ZNF804B: variants seen among roughly 807,000 people sequenced by gnomAD.
The protein encoded by ZNF804B is zinc finger protein 804B.
In ZNF804B, 80 loss-of-function variants were observed where a neutral mutation model predicts 101.4. The observed-to-expected ratio is 0.79, with a 90% CI of 0.66 to 0.95. ZNF804B has a LOEUF of 0.95. Among genes scored for constraint, ZNF804B ranks in the 40% least tolerant of loss-of-function variants. ZNF804B has a pLI of 0.00. For synonymous variants in ZNF804B, 622 were observed against 558.8 expected, an observed-to-expected ratio of 1.11 and a Z score of -1.59; for missense variants, 1,673 against 1,561.9, an observed-to-expected ratio of 1.07 and a Z score of -1.20.
intron 2 of ZNF804B, among the ~76,000 whole-genome samples, chr7:89,325,367 A>C (rs1434200654): frequency 1.3e-5 from 2 of 152,034 alleles, no homozygotes; most frequent in Non-Finnish European, 2.9e-5. Flanking sequence ...TTTCCAAAGC[A>C]CATTGTGTAC....
At chr7:89,310,361 GCTCAACTCAATACTATCTTTA>G (rs1339385993) in intron 2 of ZNF804B, among the ~76,000 whole-genome samples, 12 of 152,074 alleles carry the variant, frequency 7.9e-5, no homozygotes, top group Admixed American at 2.0e-4. Context: ...GATATGTATA[GCTCAACTCAATACTATCTTTA>G]GATTTAAAAT....
intron 1 of ZNF804B, among the ~76,000 whole-genome samples, chr7:89,025,862 G>A (rs1171806894): frequency 6.6e-6 from 1 of 151,986 alleles, no homozygotes; most frequent in Non-Finnish European, 1.5e-5. Flanking sequence ...CTGAAATTAC[G>A]ATTTTTAAAA....
chr7:89,215,223 G>T (rs79844645), intron 1 of ZNF804B, among the ~76,000 whole-genome samples: 1,736 of 152,232 alleles, frequency 0.011, 33 homozygotes, highest in African/African-American at 0.04. Context: ...TTAGTCTAAC[G>T]ACCTTGTAAA....
At chr7:88,776,570 T>G (rs202030594) in intron 1 of ZNF804B, among the ~76,000 whole-genome samples, 3 of 144,390 alleles carry the variant, frequency 2.1e-5, no homozygotes, top group Admixed American at 7.1e-5. Flanking sequence ...GTTTTTTTTT[T>G]TTTTTTTTTT....
At chr7:89,213,020 C>T (rs1339241413) in intron 1 of ZNF804B, among the ~76,000 whole-genome samples, 1 of 152,170 alleles carries the variant, frequency 6.6e-6, no homozygotes. Context: ...TATTATCCCC[C>T]TTAATCTATT....
intron 2 of ZNF804B, among the ~76,000 whole-genome samples, chr7:89,240,698 A>G (rs946391158): frequency 1.3e-5 from 2 of 151,460 alleles, no homozygotes; most frequent in South Asian, 2.1e-4. Context: ...TTTTATCTTC[A>G]TCTTCCTTGG....
intron 2 of ZNF804B, among the ~76,000 whole-genome samples, chr7:89,278,943 G>A (rs1032883582): frequency 1.1e-3 from 161 of 152,212 alleles, no homozygotes; most frequent in African/African-American, 3.7e-3. Context: ...ACCTTGGGCA[G>A]TATGGCCATT....
At chr7:88,845,262 C>A (rs2115814620) in intron 1 of ZNF804B, among the ~76,000 whole-genome samples, 1 of 151,332 alleles carries the variant, frequency 6.6e-6, no homozygotes, top group South Asian at 2.1e-4. Flanking sequence ...AAAGCACACA[C>A]ATATGCGCAT....
intron 1 of ZNF804B, among the ~76,000 whole-genome samples, chr7:89,043,498 G>A (rs1421779702): frequency 1.3e-5 from 2 of 152,138 alleles, no homozygotes. Flanking sequence ...AGGCTATAGA[G>A]TAAATTTAGT....
At chr7:89,264,706 T>G (rs1789758541) in intron 2 of ZNF804B, among the ~76,000 whole-genome samples, 1 of 152,196 alleles carries the variant, frequency 6.6e-6, no homozygotes, top group Non-Finnish European at 1.5e-5. Context: ...ACATTCATAC[T>G]CATGATTTTA....
chr7:88,889,323 C>A (rs1488621037), intron 1 of ZNF804B, among the ~76,000 whole-genome samples: 1 of 152,036 alleles, frequency 6.6e-6, no homozygotes, highest in African/African-American at 2.4e-5. Context: ...AATGAGATTG[C>A]TGGGTCCAAG....
intron 1 of ZNF804B, among the ~76,000 whole-genome samples, chr7:88,960,095 C>G (rs1165565613): frequency 6.6e-6 from 1 of 151,422 alleles, no homozygotes. Flanking sequence ...TTTTTTAAAT[C>G]AAATGTGTCT....
At chr7:89,268,294 T>C (rs1789829581) in intron 2 of ZNF804B, among the ~76,000 whole-genome samples, 2 of 152,168 alleles carry the variant, frequency 1.3e-5, no homozygotes. Context: ...CCTCTTTCTA[T>C]GTTTTTATCA....
At chr7:88,883,479 A>C (rs750931954) in intron 1 of ZNF804B, among the ~76,000 whole-genome samples, 16 of 152,098 alleles carry the variant, frequency 1.1e-4, no homozygotes, top group Non-Finnish European at 2.2e-4. Flanking sequence ...GTCCTGACTC[A>C]TAAAACCTTA....
intron 1 of ZNF804B, among the ~76,000 whole-genome samples, chr7:88,899,403 C>CA (rs1443296084): frequency 3.3e-5 from 5 of 152,118 alleles, no homozygotes; most frequent in African/African-American, 7.2e-5. Flanking sequence ...AAATAGGTGA[C>CA]AAGGTTTCTA....
chr7:88,954,169 TGA>T (rs554444952), intron 1 of ZNF804B, among the ~76,000 whole-genome samples: 29 of 151,920 alleles, frequency 1.9e-4, no homozygotes, highest in African/African-American at 7.0e-4. Flanking sequence ...TACAATTTTT[TGA>T]GTTTTCAGTT....
intron 2 of ZNF804B, among the ~76,000 whole-genome samples, chr7:89,247,408 C>T (rs935137551): frequency 3.3e-5 from 5 of 152,176 alleles, no homozygotes; most frequent in Non-Finnish European, 5.9e-5. Context: ...TAGCTCTTAA[C>T]TATAAGCACC....
intron 1 of ZNF804B, among the ~76,000 whole-genome samples, chr7:88,776,085 G>A (rs1260312568): frequency 6.6e-6 from 1 of 152,152 alleles, no homozygotes; most frequent in Non-Finnish European, 1.5e-5. Context: ...GGCTCAGGTT[G>A]TTCACTTGTG....
intron 1 of ZNF804B, among the ~76,000 whole-genome samples, chr7:88,946,327 C>T (rs975938373): frequency 1.3e-5 from 2 of 151,614 alleles, no homozygotes; most frequent in African/African-American, 4.8e-5. Flanking sequence ...TATCGAAGGC[C>T]TTTTCTGCAT....
Sources: allele counts gnomAD v4.1 joint callset (sites outside exome capture counted in the v4.1 genomes callset), GRCh38; gene constraint gnomAD v4.1.1; transcripts MANE v1.5; gene names NCBI Gene and HGNC (gene_info 2026-07-23, HGNC 2026-07-21).